The following LTBP1 variants were observed in gnomAD, a reference collection of about 807,000 sequenced individuals.
LTBP1 encodes the protein latent-transforming growth factor beta-binding protein 1.
Under a neutral mutation model 207.6 loss-of-function variants are expected in LTBP1, and 129 were observed. The ratio of observed to expected loss-of-function variants is 0.62; its 90% CI spans 0.54 to 0.72. LTBP1 has a LOEUF of 0.72. LTBP1 is among the 30% of genes least tolerant of loss of function. LTBP1 has a pLI of 0.00. For synonymous variants in LTBP1, 963 were observed against 833.7 expected (o/e 1.16, Z -2.67); for missense variants, 2,281 against 2,217.2 (o/e 1.03, Z -0.58).
chr2:33,299,002 G>A (rs774789125), intron 20 of LTBP1, among the ~76,000 whole-genome samples: 2 of 152,188 alleles, frequency 1.3e-5, no homozygotes, highest in Non-Finnish European at 2.9e-5. Context: ...GCGGCTAGGT[G>A]TGGTGGCTAA....
At chr2:33,114,824 G>A (rs2080638116) in intron 4 of LTBP1, among the ~76,000 whole-genome samples, 2 of 152,094 alleles carry the variant, frequency 1.3e-5, no homozygotes. Flanking sequence ...ATCACATTAA[G>A]ATACTGCATG....
In LTBP1 at chr2:32,975,943, A is replaced by G. The variant is rs1418182214; in HGVS notation, c.565+26998A>G. ...CCTAGTTAAGGACCATTGCTGGGGA[A>G]CTTGTGTGGTTGTTTGGAGGTAAGA... On this transcript the variant is annotated intron_variant, in intron 2 of 33. Coordinates refer to ENST00000404816, the MANE Select transcript of LTBP1 (RefSeq NM_206943.4). Among the ~76,000 whole-genome samples, 5 of 152,160 alleles carry G rather than the reference A, an allele frequency of 3.3e-5. No individual in the cohort carries two copies. In the East Asian group the frequency reaches 9.7e-4, roughly 29 times the overall value.
At chr2:33,309,062 C>T (rs747156769) in intron 22 of LTBP1, among the ~76,000 whole-genome samples, 3 of 151,978 alleles carry the variant, frequency 2.0e-5, no homozygotes, top group African/African-American at 4.8e-5. Context: ...GTGGGCGGAT[C>T]ACTTGAGGTC....
intron 20 of LTBP1, among the ~76,000 whole-genome samples, chr2:33,299,872 A>G (rs1361413406): frequency 6.6e-6 from 1 of 152,148 alleles, no homozygotes; most frequent in African/African-American, 2.4e-5. Context: ...AAAAATCCTC[A>G]CTTATCACTT....
intron 2 of LTBP1, among the ~76,000 whole-genome samples, chr2:32,995,640 T>A (rs1685144544): frequency 1.3e-5 from 2 of 152,104 alleles, no homozygotes; most frequent in African/African-American, 4.8e-5. Flanking sequence ...ACAAAAAAAA[T>A]TAGCCGGGCG....
chr2:33,045,119 T>A (rs2076383361), intron 3 of LTBP1, among the ~76,000 whole-genome samples: 1 of 152,220 alleles, frequency 6.6e-6, no homozygotes, highest in Admixed American at 6.5e-5. Flanking sequence ...TTAGTTTAAT[T>A]AGATCCCATT....
intron 24 of LTBP1, among the ~76,000 whole-genome samples, chr2:33,327,743 G>A (rs548871833): frequency 1.3e-5 from 2 of 152,200 alleles, no homozygotes; most frequent in South Asian, 4.2e-4. Flanking sequence ...AAATAGAAAA[G>A]CAAAGTTAGC....
At chr2:33,013,371 A>G (rs564871057) in intron 2 of LTBP1, among the ~76,000 whole-genome samples, 33 of 151,876 alleles carry the variant, frequency 2.2e-4, no homozygotes, top group Middle Eastern at 3.4e-3. Flanking sequence ...CTCTGTCTAA[A>G]TTATCTATTT....
intron 5 of LTBP1, among the ~76,000 whole-genome samples, chr2:33,156,131 G>T (rs541933879): frequency 7.2e-5 from 11 of 152,300 alleles, no homozygotes; most frequent in African/African-American, 1.4e-4. Flanking sequence ...GCGTGATCAG[G>T]ATGTATAATC....
intron 2 of LTBP1, among the ~76,000 whole-genome samples, chr2:32,968,549 G>A (rs909683257): frequency 1.3e-5 from 2 of 151,910 alleles, no homozygotes; most frequent in Non-Finnish European, 2.9e-5. Context: ...ACATATTGTT[G>A]GGTTTTCTTT....
chr2:33,043,194 C>T (rs567344313), intron 3 of LTBP1, among the ~76,000 whole-genome samples: 130 of 152,250 alleles, frequency 8.5e-4, no homozygotes, highest in African/African-American at 2.9e-3. Flanking sequence ...GGAAGTCCTG[C>T]GTCAGATGAA....
intron 5 of LTBP1, among the ~76,000 whole-genome samples, chr2:33,168,755 T>C (rs559552780): frequency 6.6e-6 from 1 of 152,314 alleles, no homozygotes; most frequent in South Asian, 2.1e-4. Context: ...TAGAAAGATC[T>C]GAGGCTGAGC....
At chr2:33,151,877 G>A (rs1313265527) in intron 5 of LTBP1, among the ~76,000 whole-genome samples, 1 of 116,196 alleles carries the variant, frequency 8.6e-6, no homozygotes, top group Non-Finnish European at 1.8e-5. Flanking sequence ...GTGTGTGTGT[G>A]TATCACAGTT....
At chr2:32,959,228 T>C (rs1572823155) in intron 2 of LTBP1, among the ~76,000 whole-genome samples, 1 of 152,070 alleles carries the variant, frequency 6.6e-6, no homozygotes, top group Non-Finnish European at 1.5e-5. Context: ...TGGAGGAAGG[T>C]GTTGCTATCC....
intron 3 of LTBP1, among the ~76,000 whole-genome samples, chr2:33,054,077 G>A (rs1189194720): frequency 6.6e-6 from 1 of 152,154 alleles, no homozygotes; most frequent in Non-Finnish European, 1.5e-5. Flanking sequence ...TACAGAAGAA[G>A]GATCCTCGAA....
intron 5 of LTBP1, among the ~76,000 whole-genome samples, chr2:33,148,481 G>T (rs1218364629): frequency 6.6e-6 from 1 of 152,140 alleles, no homozygotes; most frequent in African/African-American, 2.4e-5. Context: ...AAATAACATA[G>T]AGTGAAGATG....
rs533319297 is a variant in LTBP1, at chr2:33,000,140, G to A, written c.566-20769G>A. 5.9e-5 allele frequency among the ~76,000 whole-genome samples: 8 copies of A among 135,324 alleles called. 2 individuals are homozygous for A. The Admixed American group carries it at 6.1e-4, about 10-fold the overall frequency. 88.8% of individuals were successfully genotyped at this position (135,324 alleles called of 152,430 possible). ...GAGACAAACACTACTCAAAGGCTGT[G>A]ATCTGGCTGATTCTCAGAATTACTT... is the stretch of plus-strand genomic sequence containing the variant. On this transcript the variant is annotated intron_variant, in intron 2 of 33. Transcript: ENST00000404816.
At chr2:33,229,910 G>A (rs2091690838) in intron 9 of LTBP1, among the ~76,000 whole-genome samples, 1 of 152,164 alleles carries the variant, frequency 6.6e-6, no homozygotes, top group African/African-American at 2.4e-5. Flanking sequence ...TCCTCAAGGA[G>A]GCACTGCTAA....
intron 3 of LTBP1, among the ~76,000 whole-genome samples, chr2:33,094,230 A>G (rs2079265043): frequency 6.6e-6 from 1 of 152,198 alleles, no homozygotes; most frequent in South Asian, 2.1e-4. Context: ...CCAATCATGC[A>G]AAACAGTGAG....
Sources: allele counts gnomAD v4.1 joint callset (sites outside exome capture counted in the v4.1 genomes callset), GRCh38; gene constraint gnomAD v4.1.1; transcripts MANE v1.5; gene names NCBI Gene and HGNC (gene_info 2026-07-23, HGNC 2026-07-21).